ROPN1L: variants seen among roughly 807,000 people sequenced by gnomAD.
The protein encoded by ROPN1L is ropporin-1-like protein.
A neutral mutation model predicts 22.7 loss-of-function variants in ROPN1L; 23 were observed. The ratio of observed to expected loss-of-function variants is 1.01; its 90% confidence interval spans 0.73 to 1.43. The LOEUF (loss-of-function observed/expected upper bound fraction) is 1.43, where lower values mean the gene tolerates loss of function less well. ROPN1L is among the 40% of genes most tolerant of loss of function. The pLI is 0.00. For synonymous variants in ROPN1L, 116 were observed against 117.8 expected (o/e 0.98, Z 0.10); for missense variants, 271 against 291.5 (o/e 0.93, Z 0.51).
rs757297462 is a variant in ROPN1L, at chr5:10,442,154, T to C, written c.-14T>C. The C allele has an allele frequency of 2.5e-6, 4 of 1,612,662 alleles. No individual in the cohort carries two copies. In the African/African-American group the frequency reaches 5.3e-5, roughly 22 times the overall value. Reference sequence around the variant, plus strand: ...CGCCGCGATTCACCAGCCTGGTCCCTTCTGCGGAGAGCGATGCCGCTTCCC... The same window carrying C: ...CGCCGCGATTCACCAGCCTGGTCCCCTCTGCGGAGAGCGATGCCGCTTCCC... On this transcript the variant is annotated 5_prime_UTR_variant, in exon 1 of 5. Transcript: ENST00000274134.
At chr5:10,451,681 T>C (rs1384986128) in intron 3 of ROPN1L, among the ~76,000 whole-genome samples, 4 of 152,042 alleles carry the variant, frequency 2.6e-5, no homozygotes, top group African/African-American at 9.7e-5. Context: ...TCGGGTGTGG[T>C]GTGGCTGTAG....
chr5:10,441,929 A>G lies in ROPN1L; in HGVS notation c.-239A>G, dbSNP rs1740889101. The stretch of plus-strand genomic sequence containing the variant: ...CGCGTCCGTAGTGGCGGCTGGCGCT[A>G]GGGAACTGCAGGGTCTAGGGTGTTG... On this transcript the variant is annotated 5_prime_UTR_variant, in exon 1 of 5. Transcript: ENST00000274134. 5.6e-6 allele frequency: 2 copies of G among 356,440 alleles called. No homozygotes were observed. Among genetic ancestry groups the G allele is most frequent in the East Asian group, 4.9e-5 (1 of 20,222 alleles). The allele number at this position is 356,440 out of a possible 1,614,324, so 22.1% of individuals were successfully genotyped here. A position where few individuals can be genotyped will look rare whatever the true frequency, so the allele number is the denominator to read the frequency against.
chr5:10,477,992 A>G, the ROPN1L span: 2 of 152,236 alleles, frequency 1.3e-5, no homozygotes, highest in South Asian at 4.2e-4. Context: ...GGAAGCTTTA[A>G]TCAGCAGCGA....
chr5:10,456,819 T>C (rs1033928228), intron 3 of ROPN1L, among the ~76,000 whole-genome samples: 3 of 152,086 alleles, frequency 2.0e-5, no homozygotes. Flanking sequence ...TGCTCGAGTG[T>C]TTTGATGTAT....
At chr5:10,470,472 A>C (rs1024597372) in intron 4 of ROPN1L, among the ~76,000 whole-genome samples, 11 of 152,112 alleles carry the variant, frequency 7.2e-5, no homozygotes, top group African/African-American at 2.7e-4. Context: ...CTTCCATCCA[A>C]CAGCATTCCC....
chr5:10,476,817 A>T (rs190547378), downstream of ROPN1L, among the ~76,000 whole-genome samples: 3 of 152,368 alleles, frequency 2.0e-5, no homozygotes, highest in African/African-American at 7.2e-5. Flanking sequence ...AATATGTTAA[A>T]ATGAGGACTA....
intron 2 of ROPN1L, among the ~76,000 whole-genome samples, chr5:10,449,289 C>T (rs535181646): frequency 3.9e-5 from 6 of 152,288 alleles, no homozygotes; most frequent in South Asian, 2.1e-4. Flanking sequence ...GAGGCTGAGG[C>T]GGGCAGATCA....
intron 1 of ROPN1L, among the ~76,000 whole-genome samples, chr5:10,447,100 C>T (rs1309602988): frequency 1.3e-5 from 2 of 152,180 alleles, no homozygotes; most frequent in Non-Finnish European, 2.9e-5. Flanking sequence ...ATGTTTCTAA[C>T]TACCCATGGC....
At chr5:10,467,071 C>T (rs756799397), downstream of ROPN1L, among the ~76,000 whole-genome samples, 4 of 152,154 alleles carry the variant, frequency 2.6e-5, no homozygotes, top group Non-Finnish European at 5.9e-5. Context: ...TCTCCAAATA[C>T]AATCACAGTC....
chr5:10,469,502 A>G (rs183028798), downstream of ROPN1L, among the ~76,000 whole-genome samples: 2 of 152,130 alleles, frequency 1.3e-5, no homozygotes, highest in African/African-American at 4.8e-5. Context: ...AAGAAAAAAA[A>G]GTTCCTGGCA....
rs574134779 is a variant in ROPN1L, at chr5:10,444,718, G to A, written c.131+2420G>A. On this transcript the variant is annotated intron_variant, in intron 1 of 4. Transcript: ENST00000274134. ...GTTCGAGACCAACCTGACCAACATG[G>A]TGAAACCCCATCTCTACTAAAAATA... 8.8e-5 allele frequency among the ~76,000 whole-genome samples: 13 copies of A among 147,948 alleles called. No homozygotes were observed. The South Asian group carries it at 1.4e-3, about 16-fold the overall frequency.
At chr5:10,445,822 C>T (rs966902602) in intron 1 of ROPN1L, among the ~76,000 whole-genome samples, 4 of 152,160 alleles carry the variant, frequency 2.6e-5, no homozygotes, top group Non-Finnish European at 5.9e-5. Flanking sequence ...ATTCAGGATG[C>T]TGAGGCAGAA....
chr5:10,448,404 T>C (rs368794518), intron 2 of ROPN1L, 21 bp downstream of exon 2: 16 of 1,613,718 alleles, frequency 9.9e-6, no homozygotes, highest in Non-Finnish European at 1.4e-5. Context: ...GCGTAGTCTC[T>C]GGCCTCAGGC....
chr5:10,450,135 A>G (rs1049341352), intron 3 of ROPN1L, 22 bp downstream of exon 3: 5 of 1,539,602 alleles, frequency 3.2e-6, no homozygotes, highest in Non-Finnish European at 2.6e-6. Flanking sequence ...TAAACAGCAT[A>G]TTAATAATTC....
At chr5:10,465,673 A>C, downstream of ROPN1L, among the ~76,000 whole-genome samples, 1 of 151,294 alleles carries the variant, frequency 6.6e-6, no homozygotes, top group East Asian at 1.9e-4. Flanking sequence ...ACATGGTGAA[A>C]CCCCGTCTCT....
intron 3 of ROPN1L, 87 bp from the exon 4 acceptor site, chr5:10,461,097 G>C: frequency 8.2e-7 from 1 of 1,215,778 alleles, no homozygotes; most frequent in Non-Finnish European, 1.2e-6. Flanking sequence ...AAATATGCTA[G>C]AGTGTTGATT....
At chr5:10,468,935 T>C (rs557376633), downstream of ROPN1L, among the ~76,000 whole-genome samples, 26 of 151,794 alleles carry the variant, frequency 1.7e-4, no homozygotes, top group Admixed American at 2.0e-4. Context: ...GTGGGTGGAT[T>C]ACGAGGTCAG....
At chr5:10,455,374 G>A (rs1741384378) in intron 3 of ROPN1L, among the ~76,000 whole-genome samples, 1 of 152,176 alleles carries the variant, frequency 6.6e-6, no homozygotes, top group Non-Finnish European at 1.5e-5. Flanking sequence ...ACACAGCCAC[G>A]CCCCCACCCC....
At chr5:10,481,569 T>A in the ROPN1L span, among the ~76,000 whole-genome samples, 1 of 152,104 alleles carries the variant, frequency 6.6e-6, no homozygotes, top group African/African-American at 2.4e-5. Context: ...GGTGGGGCAG[T>A]CCCTCCAGGG....
Sources: gnomAD v4.1 joint callset for allele counts (sites outside exome capture counted in the v4.1 genomes callset) on GRCh38, gnomAD v4.1.1 for gene constraint, MANE v1.5 for transcripts, NCBI Gene and HGNC (gene_info 2026-07-23, HGNC 2026-07-21) for gene names.